ATP13A3: variants seen among roughly 807,000 people sequenced by gnomAD.
ATP13A3 encodes ATPase 13A3.
Under a neutral mutation model 158.1 loss-of-function variants are expected in ATP13A3, and 59 were observed. The observed-to-expected ratio is 0.37, with a 90% CI of 0.30 to 0.46. The LOEUF (loss-of-function observed/expected upper bound fraction) is 0.46, where lower values mean the gene tolerates loss of function less well. ATP13A3 is among the 20% of genes least tolerant of loss of function. The probability of loss-of-function intolerance (pLI) is 1.00; values close to 1 mark genes in which losing one functional copy is unlikely to be tolerated. For missense variants in ATP13A3, 1,166 were observed against 1,525.2 expected, an observed-to-expected ratio of 0.76 and a Z score of 3.92; for synonymous variants, 491 against 504.3, an observed-to-expected ratio of 0.97 and a Z score of 0.35.
At chr3:194,423,763 C>T (rs895379806) in intron 30 of ATP13A3, among the ~76,000 whole-genome samples, 4 of 152,102 alleles carry the variant, frequency 2.6e-5, no homozygotes, top group Non-Finnish European at 5.9e-5. Context: ...ATTTCTTAAA[C>T]CTTTTTTAAT....
chr3:194,487,617 G>C (rs372194792), upstream of ATP13A3: 1 of 152,244 alleles, frequency 6.6e-6, no homozygotes, highest in Non-Finnish European at 1.5e-5. Flanking sequence ...TCTTCCGACC[G>C]TCCTGGATGC....
intron 33 of ATP13A3, among the ~76,000 whole-genome samples, chr3:194,410,749 C>T (rs1049463762): frequency 6.6e-6 from 1 of 152,110 alleles, no homozygotes; most frequent in Non-Finnish European, 1.5e-5. Context: ...TCAAAACATG[C>T]AATTTCTTGT....
intron 2 of ATP13A3, among the ~76,000 whole-genome samples, chr3:194,482,158 T>C (rs1228829737): frequency 6.6e-6 from 1 of 152,152 alleles, no homozygotes; most frequent in Non-Finnish European, 1.5e-5. Flanking sequence ...CTGATTACCA[T>C]AAAGTCATTT....
intron 2 of ATP13A3, among the ~76,000 whole-genome samples, chr3:194,462,585 C>A (rs947530880): frequency 1.3e-5 from 2 of 152,234 alleles, no homozygotes; most frequent in Non-Finnish European, 2.9e-5. Context: ...CCACCCGTAA[C>A]TGTCTTCCAT....
intron 9 of ATP13A3, among the ~76,000 whole-genome samples, 176 bp downstream of exon 9, chr3:194,454,082 C>T (rs1034978513): frequency 3.3e-5 from 5 of 152,204 alleles, no homozygotes; most frequent in Non-Finnish European, 5.9e-5. Flanking sequence ...CTGCTATCCC[C>T]AACCTCCCAA....
intron 1 of ATP13A3, among the ~76,000 whole-genome samples, 169 bp downstream of exon 1, chr3:194,486,397 G>T (rs1720975035): frequency 6.6e-6 from 1 of 151,676 alleles, no homozygotes; most frequent in African/African-American, 2.4e-5. Context: ...CACCGCGTGG[G>T]CTCCTGCCCT....
intron 30 of ATP13A3, among the ~76,000 whole-genome samples, chr3:194,423,677 T>C (rs1048901391): frequency 2.6e-5 from 4 of 152,242 alleles, no homozygotes; most frequent in African/African-American, 7.2e-5. Flanking sequence ...TCTTAGTACA[T>C]TTTTAAATCA....
chr3:194,432,679 C>T (rs1717312866), intron 21 of ATP13A3, among the ~76,000 whole-genome samples: 1 of 152,096 alleles, frequency 6.6e-6, no homozygotes, highest in Non-Finnish European at 1.5e-5. Context: ...GACTTAGTTA[C>T]CTTGAGTTAT....
rs1560060455 is a variant in ATP13A3 at position 194,402,912 on chromosome 3, ATTAAT to A, written c.*3002_*3006del. ...CAAATCATAACTAGAAGTAACTTTTATTAATTTAATGTACACATAATTACCAAATT... is the reference window on the plus strand; with the variant it reads ...CAAATCATAACTAGAAGTAACTTTTATTAATGTACACATAATTACCAAATT... On this transcript the variant is annotated 3_prime_UTR_variant, in exon 34 of 34. Coordinates refer to ENST00000645319, the MANE Select transcript of ATP13A3 (RefSeq NM_001367549.1). 2 of 152,218 alleles carry A rather than the reference ATTAAT, an allele frequency of 1.3e-5. No homozygotes were observed. Among genetic ancestry groups the A allele is most frequent in the African/African-American group, 4.8e-5 (2 of 41,446 alleles). The allele number at this position is 152,218 out of a possible 1,614,324, so 9.4% of individuals were successfully genotyped here.
intron 2 of ATP13A3, among the ~76,000 whole-genome samples, chr3:194,493,611 C>T (rs559341953): frequency 6.6e-6 from 1 of 152,200 alleles, no homozygotes; most frequent in East Asian, 1.9e-4. Context: ...CACGCCACTG[C>T]ACTCCAGCCT....
At chr3:194,407,829 A>T (rs139180897) in intron 33 of ATP13A3, among the ~76,000 whole-genome samples, 2,161 of 152,306 alleles carry the variant, frequency 0.014, 23 homozygotes, top group Non-Finnish European at 0.021. Flanking sequence ...TACAGAAGTC[A>T]CTATGTATAG....
chr3:194,454,517 G>A, intron 8 of ATP13A3, 125 bp from the exon 9 acceptor site: 1 of 1,090,402 alleles, frequency 9.2e-7, no homozygotes, highest in Non-Finnish European at 1.3e-6. Flanking sequence ...GTATTCTACG[G>A]CAAAATGTAC....
At chr3:194,433,465 A>C (rs934508475) in intron 21 of ATP13A3, among the ~76,000 whole-genome samples, 2 of 151,844 alleles carry the variant, frequency 1.3e-5, no homozygotes, top group Admixed American at 6.6e-5. Context: ...GGATGGTCTC[A>C]ATCTCCTGAC....
chr3:194,424,701 A>G (rs1296740281), intron 30 of ATP13A3, among the ~76,000 whole-genome samples: 1 of 152,064 alleles, frequency 6.6e-6, no homozygotes, highest in African/African-American at 2.4e-5. Flanking sequence ...GTAGTAACTG[A>G]TTTTTTTCCA....
At chr3:194,493,741 C>T (rs1195762676) in intron 2 of ATP13A3, among the ~76,000 whole-genome samples, 1 of 152,148 alleles carries the variant, frequency 6.6e-6, no homozygotes, top group Non-Finnish European at 1.5e-5. Context: ...CATGAGTCTA[C>T]CTTATTCATG....
intron 16 of ATP13A3, 55 bp downstream of exon 16, chr3:194,441,256 A>T: frequency 7.1e-7 from 1 of 1,417,684 alleles, no homozygotes; most frequent in Non-Finnish European, 9.7e-7. Context: ...GAGGTAATTT[A>T]ATTTTTAACT....
At position 194,405,626 on chromosome 3, in the gene ATP13A3, C is replaced by T; in HGVS notation, c.*293G>A. The T allele has an allele frequency of 3.3e-6, 1 of 299,984 alleles. No homozygotes were observed. Among genetic ancestry groups the T allele is most frequent in the Non-Finnish European group, 6.3e-6 (1 of 158,904 alleles). 18.6% of individuals were successfully genotyped at this position (299,984 alleles called of 1,614,324 possible). A position where few individuals can be genotyped will look rare whatever the true frequency, so the allele number is the denominator to read the frequency against. On this transcript the variant is annotated 3_prime_UTR_variant, in exon 34 of 34. Transcript: ENST00000645319. ...ACCAAACACCAAACTTCTCCTGTAC[C>T]CAATATAAAGAATATCACTGAAAGT... is the stretch of plus-strand genomic sequence containing the variant.
At chr3:194,492,841 T>A (rs1009354426) in intron 2 of ATP13A3, among the ~76,000 whole-genome samples, 2 of 152,184 alleles carry the variant, frequency 1.3e-5, no homozygotes, top group African/African-American at 4.8e-5. Context: ...ATTTTTATTG[T>A]GTTGTTATTG....
At chr3:194,414,868 T>C (rs2108741849) in intron 31 of ATP13A3, among the ~76,000 whole-genome samples, 1 of 152,310 alleles carries the variant, frequency 6.6e-6, no homozygotes, top group Admixed American at 6.5e-5. Flanking sequence ...TAACAGTCAA[T>C]ATATCAGTGT....
Sources: allele counts gnomAD v4.1 joint callset (sites outside exome capture counted in the v4.1 genomes callset), GRCh38; gene constraint gnomAD v4.1.1; transcripts MANE v1.5; gene names NCBI Gene and HGNC (gene_info 2026-07-23, HGNC 2026-07-21).